The following GPC5 variants were observed in gnomAD, a reference collection of about 807,000 sequenced individuals.
The protein encoded by GPC5 is glypican 5, also known as glypican-5.
In GPC5, 47 loss-of-function variants were observed where a neutral mutation model predicts 53.9. The observed-to-expected ratio is 0.87, with a 90% confidence interval of 0.69 to 1.11. GPC5 has a LOEUF of 1.11. Among genes scored for constraint, GPC5 ranks in the 50% most tolerant of loss-of-function variants. GPC5 has a pLI of 0.00. For missense variants in GPC5, 748 were observed against 713.1 expected (o/e 1.05, Z -0.56); for synonymous variants, 286 against 263.3 (o/e 1.09, Z -0.84).
chr13:91,550,704 G>A (rs186186786), intron 2 of GPC5, among the ~76,000 whole-genome samples: 9 of 152,110 alleles, frequency 5.9e-5, no homozygotes, highest in Admixed American at 3.9e-4. Context: ...ATAAGGTTTG[G>A]CTATGTCCTC....
At chr13:92,279,105 C>G (rs1186769153) in intron 7 of GPC5, among the ~76,000 whole-genome samples, 1 of 151,980 alleles carries the variant, frequency 6.6e-6, no homozygotes, top group Non-Finnish European at 1.5e-5. Flanking sequence ...CTTCTGATTA[C>G]TTTGGAAAGT....
chr13:92,498,636 G>T (rs1880072950), intron 7 of GPC5, among the ~76,000 whole-genome samples: 1 of 152,138 alleles, frequency 6.6e-6, no homozygotes, highest in South Asian at 2.1e-4. Flanking sequence ...TTGCAGGGCA[G>T]AGGGTGGGAG....
chr13:91,634,337 T>C (rs937097869), intron 2 of GPC5, among the ~76,000 whole-genome samples: 10 of 152,032 alleles, frequency 6.6e-5, no homozygotes, highest in Non-Finnish European at 1.5e-4. Context: ...TCCTACCTAA[T>C]ATTTTTATGG....
At chr13:91,627,004 ATTTTTTTTTTTTTTTTTT>A (rs1215877558) in intron 2 of GPC5, among the ~76,000 whole-genome samples, 1 of 4,878 alleles carries the variant, frequency 2.1e-4, no homozygotes, top group Non-Finnish European at 2.6e-4. Context: ...TGAACTCATC[ATTTTTTTTTTTTTTTTTT>A]TTTTTTTTTT....
intron 5 of GPC5, among the ~76,000 whole-genome samples, chr13:91,852,441 C>A (rs186276452): frequency 2.3e-4 from 35 of 151,740 alleles, no homozygotes; most frequent in Admixed American, 1.5e-3. Flanking sequence ...TCTGGAAGAT[C>A]CTAGGTGTCA....
intron 7 of GPC5, among the ~76,000 whole-genome samples, chr13:92,750,542 G>A (rs925831714): frequency 1.3e-5 from 2 of 152,128 alleles, no homozygotes; most frequent in Non-Finnish European, 2.9e-5. Flanking sequence ...ATTATGTGCA[G>A]CTATCAACTT....
chr13:92,590,414 G>C (rs577239369), intron 7 of GPC5, among the ~76,000 whole-genome samples: 13 of 152,282 alleles, frequency 8.5e-5, no homozygotes, highest in Middle Eastern at 3.4e-3. Flanking sequence ...AGCTAAGCTA[G>C]AATTGACAGA....
At chr13:92,749,383 A>T (rs1052618776) in intron 7 of GPC5, among the ~76,000 whole-genome samples, 4 of 152,166 alleles carry the variant, frequency 2.6e-5, no homozygotes, top group Admixed American at 2.6e-4. Context: ...CATAAAAGTC[A>T]CTATATACAA....
intron 7 of GPC5, among the ~76,000 whole-genome samples, chr13:92,438,129 A>T (rs1404748380): frequency 6.6e-6 from 1 of 151,914 alleles, no homozygotes; most frequent in Non-Finnish European, 1.5e-5. Context: ...ATGCCTACCG[A>T]TGTGTTTAGT....
At chr13:91,950,687 G>A (rs901131075) in intron 6 of GPC5, among the ~76,000 whole-genome samples, 1 of 152,170 alleles carries the variant, frequency 6.6e-6, no homozygotes, top group African/African-American at 2.4e-5. Context: ...TATCTACCAT[G>A]TGCTGTATAC....
At chr13:92,856,340 A>C (rs898725845) in intron 7 of GPC5, among the ~76,000 whole-genome samples, 4 of 151,948 alleles carry the variant, frequency 2.6e-5, no homozygotes, top group African/African-American at 9.7e-5. Context: ...CTGAAGGAAA[A>C]TACCTGTAAA....
intron 2 of GPC5, among the ~76,000 whole-genome samples, chr13:91,660,278 G>A (rs2034955477): frequency 6.6e-6 from 1 of 152,158 alleles, no homozygotes; most frequent in Non-Finnish European, 1.5e-5. Flanking sequence ...TTCCAAACTG[G>A]TTGTGGCAGC....
intron 7 of GPC5, among the ~76,000 whole-genome samples, chr13:92,776,799 A>G (rs1176672418): frequency 7.2e-5 from 11 of 152,054 alleles, no homozygotes; most frequent in Non-Finnish European, 5.9e-5. Flanking sequence ...TTAACTGCAG[A>G]CAGTCTCCTT....
chr13:91,524,407 T>C (rs1187725407), intron 2 of GPC5, among the ~76,000 whole-genome samples: 1 of 152,186 alleles, frequency 6.6e-6, no homozygotes, highest in African/African-American at 2.4e-5. Flanking sequence ...AAATTTCATT[T>C]CAACTAATGA....
At chr13:91,493,753 T>G (rs1251700174) in intron 2 of GPC5, among the ~76,000 whole-genome samples, 1 of 151,788 alleles carries the variant, frequency 6.6e-6, no homozygotes, top group African/African-American at 2.4e-5. Context: ...ATCCCTTTCA[T>G]CCTTAGTCTT....
At chr13:91,571,845 G>A (rs1242320011) in intron 2 of GPC5, among the ~76,000 whole-genome samples, 1 of 92,558 alleles carries the variant, frequency 1.1e-5, no homozygotes, top group Non-Finnish European at 1.9e-5. Flanking sequence ...ATACTTGTGT[G>A]TATATACACA....
chr13:92,708,053 C>G (rs1319073285), intron 7 of GPC5, among the ~76,000 whole-genome samples: 1 of 152,024 alleles, frequency 6.6e-6, no homozygotes, highest in Admixed American at 6.6e-5. Flanking sequence ...GGAATGAAGG[C>G]ATTATCATGA....
At chr13:91,858,578 T>C (rs575123806) in intron 5 of GPC5, among the ~76,000 whole-genome samples, 2 of 152,038 alleles carry the variant, frequency 1.3e-5, no homozygotes, top group Non-Finnish European at 2.9e-5. Context: ...AGTATGTTGC[T>C]GAGCATTTTT....
At chr13:92,828,382 T>C (rs1275210406) in intron 7 of GPC5, among the ~76,000 whole-genome samples, 1 of 152,194 alleles carries the variant, frequency 6.6e-6, no homozygotes, top group Non-Finnish European at 1.5e-5. Context: ...TTAAGTTAGC[T>C]ATTCATATCA....
Sources: gnomAD v4.1 joint callset for allele counts (sites outside exome capture counted in the v4.1 genomes callset) on GRCh38, gnomAD v4.1.1 for gene constraint, MANE v1.5 for transcripts, NCBI Gene and HGNC (gene_info 2026-07-23, HGNC 2026-07-21) for gene names.